Variants in GPR158 observed in about 807,000 individuals in gnomAD.
GPR158 encodes the protein G protein-coupled receptor 158.
Under a neutral mutation model 78.2 loss-of-function variants are expected in GPR158, and 30 were observed. The observed-to-expected ratio is 0.38, with a 90% CI of 0.29 to 0.52. GPR158 has a LOEUF of 0.52. Among genes scored for constraint, GPR158 ranks in the 20% least tolerant of loss-of-function variants. The pLI, the probability that GPR158 is intolerant of heterozygous loss-of-function variation, is 0.83. For missense variants in GPR158, 1,463 were observed against 1,523.5 expected (o/e 0.96, Z 0.66); for synonymous variants, 581 against 591.1 (o/e 0.98, Z 0.25).
chr10:25,175,708 A>T lies in GPR158; in HGVS notation c.288A>T (p.Arg96=). The change falls in exon 1 of 11, where the codon CGA becomes CGT. Residue 96 remains arginine (R), a synonymous_variant. Transcript: ENST00000376351. The surrounding 1 kb of genome is among the most constrained non-coding windows in gnomAD (Gnocchi z 6.4). ...CCGGGGACTCCCACCAGCTGAAGCG[A>T]GCCAACTGCTCCGGCCGCTACGAGT... is the stretch of plus-strand genomic sequence containing the variant. ...LYTGDSHQLK[R]ANCSGRYELA... 6.2e-7 allele frequency: 1 copy of T among 1,611,820 alleles called. No individual in the cohort carries two copies. Among genetic ancestry groups the T allele is most frequent in the Non-Finnish European group, 8.5e-7 (1 of 1,179,922 alleles).
At chr10:25,241,221 CTT>C (rs72455294) in intron 2 of GPR158, among the ~76,000 whole-genome samples, 2,170 of 69,908 alleles carry the variant, frequency 0.031, 118 homozygotes, top group African/African-American at 0.13. Context: ...CCTTTCTTTC[CTT>C]TTTCTTTCCT....
intron 4 of GPR158, among the ~76,000 whole-genome samples, chr10:25,428,269 G>A (rs1834850681): frequency 6.6e-6 from 1 of 151,936 alleles, no homozygotes. Context: ...TGAGAGTTAA[G>A]AGACTAAAAT....
intron 1 of GPR158, among the ~76,000 whole-genome samples, chr10:25,205,699 C>T (rs1254490308): frequency 6.6e-6 from 1 of 152,062 alleles, no homozygotes; most frequent in African/African-American, 2.4e-5. Context: ...TTCAGAAGTT[C>T]AGAAGCAGGT....
chr10:25,469,103 A>G (rs564340618), intron 5 of GPR158, among the ~76,000 whole-genome samples: 1 of 152,146 alleles, frequency 6.6e-6, no homozygotes, highest in South Asian at 2.1e-4. Flanking sequence ...TGCTTTGTTG[A>G]TTCTTCATTT....
chr10:25,261,699 A>G (rs535967810), intron 2 of GPR158, among the ~76,000 whole-genome samples: 1 of 152,310 alleles, frequency 6.6e-6, no homozygotes, highest in East Asian at 1.9e-4. Flanking sequence ...TGAGTAATGC[A>G]TATTTGCTCA....
At chr10:25,502,984 G>T (rs1007482691) in intron 5 of GPR158, among the ~76,000 whole-genome samples, 7 of 152,092 alleles carry the variant, frequency 4.6e-5, no homozygotes, top group Non-Finnish European at 1.0e-4. Context: ...TTCTCTTTTG[G>T]TAACATGTTT....
Position 25,359,617 on chromosome 10 carries a change from C to T in GPR158, c.1009-36294C>T, listed in dbSNP as rs1044490666. 7.2e-5 allele frequency among the ~76,000 whole-genome samples: 11 copies of T among 152,280 alleles called. No individual in the cohort carries two copies. In the East Asian group the frequency reaches 1.5e-3, roughly 21 times the overall value. ...CCTTTTTTATGGCCGCACAGTATTT[C>T]GTGGTATATACGTGCCACGTTTTCT... On this transcript the variant is annotated intron_variant, in intron 2 of 10. Coordinates refer to ENST00000376351, the MANE Select transcript of GPR158 (RefSeq NM_020752.3).
chr10:25,587,908 T>C (rs1837291894), intron 7 of GPR158, among the ~76,000 whole-genome samples: 1 of 152,238 alleles, frequency 6.6e-6, no homozygotes, highest in Admixed American at 6.5e-5. Flanking sequence ...GACATCAATG[T>C]TTCTGTTTAC....
intron 2 of GPR158, among the ~76,000 whole-genome samples, chr10:25,363,171 G>C (rs951239656): frequency 6.6e-5 from 10 of 151,878 alleles, no homozygotes. Flanking sequence ...TTGTTTGGCA[G>C]CCATACCATA....
chr10:25,556,657 C>G (rs1247468486), intron 6 of GPR158, among the ~76,000 whole-genome samples: 2 of 152,182 alleles, frequency 1.3e-5, no homozygotes, highest in Non-Finnish European at 2.9e-5. Flanking sequence ...GTCTCTTTCC[C>G]AGTCAATGAG....
intron 2 of GPR158, among the ~76,000 whole-genome samples, chr10:25,356,644 C>T (rs747085960): frequency 8.6e-5 from 13 of 152,044 alleles, no homozygotes; most frequent in Non-Finnish European, 1.6e-4. Context: ...TGCTGCTGTG[C>T]ACATAAGATG....
chr10:25,356,731 C>G (rs1855560271), intron 2 of GPR158, among the ~76,000 whole-genome samples: 1 of 152,102 alleles, frequency 6.6e-6, no homozygotes, highest in African/African-American at 2.4e-5. Context: ...CAATAAACCT[C>G]TTTCTTTTGT....
In GPR158 at chr10:25,554,266, C is replaced by G. The variant is rs575129272; in HGVS notation, c.1514+3181C>G. ...TTTAAAAAATTAAAAGTAAACCATACCTCTCTAGGCAGAAAATTCTCAGGA... is the reference window on the plus strand; with the variant it reads ...TTTAAAAAATTAAAAGTAAACCATAGCTCTCTAGGCAGAAAATTCTCAGGA... On this transcript the variant is annotated intron_variant, in intron 6 of 10. Transcript: ENST00000376351. Among the ~76,000 whole-genome samples the G allele has an allele frequency of 2.6e-4, 40 of 152,222 alleles. 1 individual carries two copies. The highest frequency in any genetic ancestry group is 2.4e-3 in the Admixed American group (37 of 15,282).
At chr10:25,576,015 C>T (rs1837089403) in intron 7 of GPR158, among the ~76,000 whole-genome samples, 1 of 134,576 alleles carries the variant, frequency 7.4e-6, no homozygotes, top group Non-Finnish European at 1.6e-5. Flanking sequence ...ACTCCCCTAC[C>T]TCCAAAGTCA....
chr10:25,177,307 T>A (rs191262056), intron 1 of GPR158, among the ~76,000 whole-genome samples: 1 of 152,240 alleles, frequency 6.6e-6, no homozygotes, highest in African/African-American at 2.4e-5. Context: ...AGGAAGGAAC[T>A]GAAAGAGTAG....
At chr10:25,199,898 CT>C (rs1401865658) in intron 1 of GPR158, among the ~76,000 whole-genome samples, 2 of 152,168 alleles carry the variant, frequency 1.3e-5, no homozygotes, top group Non-Finnish European at 2.9e-5. Context: ...ATGACATTTT[CT>C]TTATCCAATC....
intron 5 of GPR158, among the ~76,000 whole-genome samples, chr10:25,495,295 C>CTTTTTTTTTTTTTTTTTTTTT (rs71399976): frequency 3.3e-5 from 3 of 91,096 alleles, no homozygotes; most frequent in East Asian, 4.0e-4. Context: ...TTCTTTTCTG[C>CTTTTTTTTTTTTTTTTTTTTT]TTTTTTTTTT....
chr10:25,244,208 G>C (rs2130711839), intron 2 of GPR158: 1 of 152,194 alleles, frequency 6.6e-6, no homozygotes, highest in South Asian at 2.1e-4. Context: ...ACCCCACTTT[G>C]CTGTTACCAC....
At chr10:25,562,024 A>AT (rs34320289) in intron 6 of GPR158, among the ~76,000 whole-genome samples, 67,503 of 140,742 alleles carry the variant, frequency 0.48, 17,198 homozygotes, top group African/African-American at 0.68. Context: ...ATGCAGAAGA[A>AT]TTTTTTTTTT....
Sources: allele counts gnomAD v4.1 joint callset (sites outside exome capture counted in the v4.1 genomes callset), GRCh38; gene constraint gnomAD v4.1.1; non-coding constraint Gnocchi (gnomAD v3.1); transcripts MANE v1.5; gene names NCBI Gene and HGNC (gene_info 2026-07-23, HGNC 2026-07-21).